POLR2H: variants seen among roughly 807,000 people sequenced by gnomAD.
The protein encoded by POLR2H is RNA polymerase II, I and III subunit H, also known as DNA-directed RNA polymerases I, II, and III subunit RPABC3.
Under a neutral mutation model 18.1 loss-of-function variants are expected in POLR2H, and 3 were observed. The ratio of observed to expected loss-of-function variants is 0.17; its 90% CI spans 0.08 to 0.43. POLR2H has a LOEUF of 0.43. Among genes scored for constraint, POLR2H ranks in the 20% least tolerant of loss-of-function variants. The pLI, the probability that POLR2H is intolerant of heterozygous loss-of-function variation, is 0.99. For missense variants in POLR2H, 103 were observed against 184.6 expected, an observed-to-expected ratio of 0.56 and a Z score of 2.56; for synonymous variants, 76 against 69.0, an observed-to-expected ratio of 1.10 and a Z score of -0.50.
chr3:184,363,394 C>T lies in POLR2H; in HGVS notation c.-99C>T, dbSNP rs373656442. The T allele has an allele frequency of 1.6e-5, 16 of 1,013,274 alleles. No individual in the cohort carries two copies. Among genetic ancestry groups the T allele is most frequent in the African/African-American group, 4.7e-5 (3 of 63,836 alleles). The allele number at this position is 1,013,274 out of a possible 1,614,324, so 62.8% of individuals were successfully genotyped here. On this transcript the variant is annotated 5_prime_UTR_variant, in exon 2 of 6. Coordinates refer to ENST00000456318, the MANE Select transcript of POLR2H (RefSeq NM_006232.5). ...CTGGCCGCCGCGCTTTCAGGAGGTG[C>T]TTTTGGTTCTCTCCGGTCTTGTCCA...
In POLR2H at chr3:184,368,202, C is replaced by T; in HGVS notation, c.361C>T (p.Leu121=). 6.2e-7 allele frequency: 1 copy of T among 1,614,080 alleles called. No homozygotes were observed. Among genetic ancestry groups the T allele is most frequent in the Non-Finnish European group, 8.5e-7 (1 of 1,179,956 alleles). ...RLSAYVSYGG[L]LMRLQGDANN... ...CTCTGCGTACGTGTCCTATGGGGGC[C>T]TGCTCATGAGGCTGCAGGGGGATGC... Residue 121 remains leucine, a synonymous_variant, in exon 6 of 6, where the codon CTG becomes TTG. Coordinates refer to ENST00000456318, the MANE Select transcript of POLR2H (RefSeq NM_006232.5).
intron 2 of POLR2H, 62 bp from the exon 3 acceptor site, chr3:184,364,904 A>G (rs1010694341): frequency 5.4e-6 from 6 of 1,116,026 alleles, no homozygotes; most frequent in Non-Finnish European, 8.2e-6. Flanking sequence ...GTTGCATACA[A>G]TCCCACACTG....
rs895500016 is a variant in POLR2H at position 184,363,195 on chromosome 3, C to G, written c.-298C>G. On this transcript the variant is annotated 5_prime_UTR_variant, in exon 2 of 6. Transcript: ENST00000456318. The stretch of plus-strand genomic sequence containing the variant: ...CCCCAGCGGAGCGCGAGAACCCGCT[C>G]TACAGCCTATTGCTTCCCCGCCCTG... 8.5e-6 allele frequency: 4 copies of G among 471,818 alleles called. No individual in the cohort carries two copies. The highest frequency in any genetic ancestry group is 7.9e-5 in the African/African-American group (4 of 50,652). 29.2% of individuals were successfully genotyped at this position (471,818 alleles called of 1,614,324 possible). A position where few individuals can be genotyped will look rare whatever the true frequency, so the allele number is the denominator to read the frequency against.
At position 184,363,132 on chromosome 3, in the gene POLR2H, G is replaced by T; in HGVS notation, c.-361G>T. On this transcript the variant is annotated 5_prime_UTR_variant, in exon 2 of 6. Coordinates refer to ENST00000456318, the MANE Select transcript of POLR2H (RefSeq NM_006232.5). ...CTGGGTTAGGCCCCCACGCATTCCA[G>T]TCTTCGGAACCCGGCCTCTGAAGAG... The T allele has an allele frequency of 2.9e-6, 1 of 347,030 alleles. No individual in the cohort carries two copies. The allele number at this position is 347,030 out of a possible 1,614,324, so 21.5% of individuals were successfully genotyped here. A position where few individuals can be genotyped will look rare whatever the true frequency, so the allele number is the denominator to read the frequency against.
At chr3:184,368,116 G>A in intron 5 of POLR2H, 61 bp from the exon 6 acceptor site, 12 of 1,613,126 alleles carry the variant, frequency 7.4e-6, no homozygotes, top group Non-Finnish European at 1.0e-5. Flanking sequence ...TTCTTAGGCT[G>A]AGATTGAGAG....
At chr3:184,366,904 G>T (rs1232920353) in intron 5 of POLR2H, 104 bp downstream of exon 5, 1 of 721,458 alleles carries the variant, frequency 1.4e-6, no homozygotes, top group South Asian at 1.5e-5. Flanking sequence ...AGGCACCTCA[G>T]ACCGAGGTGG....
At chr3:184,366,662 A>G in intron 4 of POLR2H, 55 bp from the exon 5 acceptor site, 2 of 1,076,306 alleles carry the variant, frequency 1.9e-6, no homozygotes, top group Admixed American at 1.7e-5. Flanking sequence ...TTTAAATGGG[A>G]TCTTTTATAT....
rs879811260 is a variant in POLR2H at position 184,362,703 on chromosome 3, C to T, written c.-620-170C>T. On this transcript the variant is annotated intron_variant, in intron 1 of 5. Transcript: ENST00000456318. This position sits in a 1 kb window ranked among gnomAD's most constrained non-coding sequence, Gnocchi z 5.9. ...CCAGGAGAAGGCAGTGGAGGGGGAACGCGCAGCACTAAGCTGGAGGGGTAA... is the reference window on the plus strand; with the variant it reads ...CCAGGAGAAGGCAGTGGAGGGGGAATGCGCAGCACTAAGCTGGAGGGGTAA... 2.1e-5 allele frequency: 3 copies of T among 140,038 alleles called. No individual in the cohort carries two copies. Among genetic ancestry groups the T allele is most frequent in the Non-Finnish European group, 4.5e-5 (3 of 66,336 alleles). The allele number at this position is 140,038 out of a possible 1,614,324, so 8.7% of individuals were successfully genotyped here. A position where few individuals can be genotyped will look rare whatever the true frequency, so the allele number is the denominator to read the frequency against.
At chr3:184,366,095 C>T (rs1471178971) in intron 4 of POLR2H, among the ~76,000 whole-genome samples, 1 of 151,928 alleles carries the variant, frequency 6.6e-6, no homozygotes, top group Non-Finnish European at 1.5e-5. Flanking sequence ...GTGACCTAGG[C>T]CATGTGGGTC....
At position 184,363,331 on chromosome 3, in the gene POLR2H, C is replaced by T. The variant is rs1422834788; in HGVS notation, c.-162C>T. 1.1e-5 allele frequency: 7 copies of T among 664,096 alleles called. No individual in the cohort carries two copies. The highest frequency in any genetic ancestry group is 8.9e-5 in the African/African-American group (5 of 55,916). The allele number at this position is 664,096 out of a possible 1,614,324, so 41.1% of individuals were successfully genotyped here. On this transcript the variant is annotated 5_prime_UTR_variant, in exon 2 of 6. Transcript: ENST00000456318. ...AGCGGGAGGCTGTGGCGGAAGTGGT[C>T]GCGTTACCGCTTGTTTGTGCGCATG...
chr3:184,362,858 T>G lies in POLR2H; in HGVS notation c.-620-15T>G, dbSNP rs1453732628. ...CGAGAGGAGGGGACAATGCAGGCTTTCCTCTTCTCCATAGCGACGTCATGG... is the reference window on the plus strand; with the variant it reads ...CGAGAGGAGGGGACAATGCAGGCTTGCCTCTTCTCCATAGCGACGTCATGG... On this transcript the variant is annotated splice_polypyrimidine_tract_variant and intron_variant, in intron 1 of 5. Coordinates refer to ENST00000456318, the MANE Select transcript of POLR2H (RefSeq NM_006232.5). This position sits in a 1 kb window ranked among gnomAD's most constrained non-coding sequence, Gnocchi z 5.9. 5 of 156,472 alleles carry G rather than the reference T, an allele frequency of 3.2e-5. No homozygotes were observed. The highest frequency in any genetic ancestry group is 1.2e-4 in the African/African-American group (5 of 41,372). 9.7% of individuals were successfully genotyped at this position (156,472 alleles called of 1,614,324 possible).
At chr3:184,364,802 C>T in intron 2 of POLR2H, 164 bp from the exon 3 acceptor site, 1 of 583,242 alleles carries the variant, frequency 1.7e-6, no homozygotes, top group Non-Finnish European at 3.0e-6. Context: ...CTCCCCTTTT[C>T]CTTCTTGCAT....
rs191884948 is a variant in POLR2H, at chr3:184,367,751, A to G, written c.336-426A>G. ...GTGATCCGCCCGCCTCAGCCTCCCAAAGTGCTGGGATTACAGGTGTGAGCC... is the reference window on the plus strand; with the variant it reads ...GTGATCCGCCCGCCTCAGCCTCCCAGAGTGCTGGGATTACAGGTGTGAGCC... On this transcript the variant is annotated intron_variant, in intron 5 of 5. Coordinates refer to ENST00000456318, the MANE Select transcript of POLR2H (RefSeq NM_006232.5). Among the ~76,000 whole-genome samples, 36 of 152,030 alleles carry G rather than the reference A, an allele frequency of 2.4e-4. No individual in the cohort carries two copies. In the East Asian group the frequency reaches 6.4e-3, roughly 27 times the overall value.
chr3:184,366,858 C>T, intron 5 of POLR2H, 58 bp downstream of exon 5: 1 of 1,033,364 alleles, frequency 9.7e-7, no homozygotes, highest in Admixed American at 1.7e-5. Context: ...AGACTTTGAG[C>T]TATGCTCCTG....
chr3:184,364,842 TGA>T, intron 2 of POLR2H, 122 bp from the exon 3 acceptor site: 1 of 670,518 alleles, frequency 1.5e-6, no homozygotes, highest in Admixed American at 2.5e-5. Flanking sequence ...TGAATTTCTA[TGA>T]GAGCAGATGA....
In POLR2H at chr3:184,363,482, G is replaced by C; in HGVS notation, c.-11G>C. ...TCTCACCCCTTCTGCTGCTCTCGTG[G>C]CCCCCTCGCGATGGCGGGCATCCTG... On this transcript the variant is annotated 5_prime_UTR_variant, in exon 2 of 6. Coordinates refer to ENST00000456318, the MANE Select transcript of POLR2H (RefSeq NM_006232.5). 6.2e-7 allele frequency: 1 copy of C among 1,612,570 alleles called. No homozygotes were observed. Among genetic ancestry groups the C allele is most frequent in the South Asian group, 1.1e-5 (1 of 90,944 alleles).
intron 5 of POLR2H, among the ~76,000 whole-genome samples, chr3:184,367,779 C>T (rs994396080): frequency 4.6e-5 from 7 of 152,100 alleles, no homozygotes; most frequent in East Asian, 3.8e-4. Flanking sequence ...TGTGAGCCAC[C>T]GTGCCCGGCC....
In POLR2H at chr3:184,363,255, T is replaced by G. The variant is rs548323545; in HGVS notation, c.-238T>G. 8.7e-6 allele frequency: 5 copies of G among 576,680 alleles called. No individual in the cohort carries two copies. The Admixed American group carries it at 1.4e-4, about 16-fold the overall frequency. 35.7% of individuals were successfully genotyped at this position (576,680 alleles called of 1,614,324 possible). ...ACCTGGACATGAGACCCGCCCTCAA[T>G]GCCGAAGCCTCTCGGAAGCAATCTT... On this transcript the variant is annotated 5_prime_UTR_variant, in exon 2 of 6. An upstream start codon of the reference 5' UTR is lost. Coordinates refer to ENST00000456318, the MANE Select transcript of POLR2H (RefSeq NM_006232.5).
rs963706705 is a variant in POLR2H, at chr3:184,362,038, G to A, written c.-729G>A. ...TCCGAAGAGACGAGCGGCCCAGACA[G>A]GCCTGGGAAGGCCCCTCTGCCCCGT... is the stretch of plus-strand genomic sequence containing the variant. On this transcript the variant is annotated 5_prime_UTR_variant, in exon 1 of 6. Transcript: ENST00000456318. The surrounding 1 kb of genome is among the most constrained non-coding windows in gnomAD (Gnocchi z 5.9). The A allele has an allele frequency of 6.6e-6, 1 of 152,548 alleles. No individual in the cohort carries two copies. 9.4% of individuals were successfully genotyped at this position (152,548 alleles called of 1,614,324 possible).
Sources: allele counts gnomAD v4.1 joint callset (sites outside exome capture counted in the v4.1 genomes callset), GRCh38; gene constraint gnomAD v4.1.1; non-coding constraint Gnocchi (gnomAD v3.1); transcripts MANE v1.5; gene names NCBI Gene and HGNC (gene_info 2026-07-23, HGNC 2026-07-21).